LRP5: variants seen among roughly 807,000 people sequenced by gnomAD.
The protein encoded by LRP5 is LDL receptor related protein 5, also known as low-density lipoprotein receptor-related protein 5.
A neutral mutation model predicts 154.1 loss-of-function variants in LRP5; 62 were observed. That is an observed-to-expected ratio of 0.40 (90% CI 0.33 to 0.50). The LOEUF is 0.50. Ranked by LOEUF, LRP5 falls within the 20% of genes least tolerant of loss-of-function variation. The pLI, the probability that LRP5 is intolerant of heterozygous loss-of-function variation, is 0.55. For synonymous variants in LRP5, 966 were observed against 1,011.5 expected (o/e 0.96, Z 0.85); for missense variants, 1,915 against 2,336.7 (o/e 0.82, Z 3.72).
In LRP5 at chr11:68,316,110, G is replaced by A. The variant is rs190215481; in HGVS notation, c.91+3305G>A. ...CGGTGACTTCCCGTTCCCTCTCCCC[G>A]GATCCCCTGGTGAACACCAGTCGAC... is the stretch of plus-strand genomic sequence containing the variant. On this transcript the variant is annotated intron_variant, in intron 1 of 22. Coordinates refer to ENST00000294304, the MANE Select transcript of LRP5 (RefSeq NM_002335.4). Among the ~76,000 whole-genome samples, 36 of 152,032 alleles carry A rather than the reference G, an allele frequency of 2.4e-4. No homozygotes were observed. In the East Asian group the frequency reaches 3.1e-3, roughly 13 times the overall value.
At chr11:68,364,238 G>A (rs908944437) in intron 4 of LRP5, among the ~76,000 whole-genome samples, 2 of 151,924 alleles carry the variant, frequency 1.3e-5, no homozygotes, top group African/African-American at 4.8e-5. Flanking sequence ...GGATTTCCAA[G>A]GAAGGTTGCC....
At chr11:68,433,515 A>C (rs1383094439) in intron 17 of LRP5, 87 bp from the exon 18 acceptor site, 9 of 1,201,434 alleles carry the variant, frequency 7.5e-6, no homozygotes, top group South Asian at 3.6e-5. Flanking sequence ...AGTCCCTCTC[A>C]ACTTCTGCTT....
At chr11:68,365,164 G>A (rs868734394) in intron 4 of LRP5, among the ~76,000 whole-genome samples, 12 of 152,148 alleles carry the variant, frequency 7.9e-5, no homozygotes, top group African/African-American at 1.4e-4. Context: ...TCCTGACCCC[G>A]GCCATTGGAG....
chr11:68,433,215 T>C (rs537715180), intron 17 of LRP5, among the ~76,000 whole-genome samples: 1 of 152,218 alleles, frequency 6.6e-6, no homozygotes, highest in South Asian at 2.1e-4. Flanking sequence ...TGAGCAGATG[T>C]GTGTTGCCGG....
intron 1 of LRP5, among the ~76,000 whole-genome samples, chr11:68,314,716 C>G (rs2098591754): frequency 6.6e-6 from 1 of 152,246 alleles, no homozygotes; most frequent in Non-Finnish European, 1.5e-5. Flanking sequence ...CACCCCCTCT[C>G]CCCCTGGAGG....
rs371105562 is a variant in LRP5 at position 68,342,637 on chromosome 11, C to T, written c.92-5210C>T. Among the ~76,000 whole-genome samples, 20 of 152,232 alleles carry T rather than the reference C, an allele frequency of 1.3e-4. 2 individuals are homozygous for T. The highest frequency in any genetic ancestry group is 9.8e-4 in the Admixed American group (15 of 15,298). ...GGTTGCTTCTAAGTGCCTTAGAAGCCGGAGCGGCTCCTGGAAAGAGCCTGC... is the reference window on the plus strand; with the variant it reads ...GGTTGCTTCTAAGTGCCTTAGAAGCTGGAGCGGCTCCTGGAAAGAGCCTGC... On this transcript the variant is annotated intron_variant, in intron 1 of 22. Transcript: ENST00000294304.
At chr11:68,320,961 T>A (rs1190877280) in intron 1 of LRP5, among the ~76,000 whole-genome samples, 1 of 152,150 alleles carries the variant, frequency 6.6e-6, no homozygotes, top group Admixed American at 6.5e-5. Flanking sequence ...TTCCTATCCC[T>A]TGTTACTCCA....
At chr11:68,399,263 T>TAGGC (rs1183248868) in intron 7 of LRP5, among the ~76,000 whole-genome samples, 1 of 151,996 alleles carries the variant, frequency 6.6e-6, no homozygotes, top group East Asian at 1.9e-4. Flanking sequence ...CCCAGCTACT[T>TAGGC]AGGCATCTGA....
chr11:68,317,144 G>A (rs1046711339), intron 1 of LRP5, among the ~76,000 whole-genome samples: 20 of 152,192 alleles, frequency 1.3e-4, no homozygotes, highest in Non-Finnish European at 2.6e-4. Flanking sequence ...GCTACGAGCC[G>A]GCCTCAGGGA....
intron 14 of LRP5, among the ~76,000 whole-genome samples, chr11:68,424,397 C>T (rs923465659): frequency 6.6e-6 from 1 of 152,170 alleles, no homozygotes; most frequent in Non-Finnish European, 1.5e-5. Context: ...CTCTTGGAGA[C>T]TCAGTTTCCT....
At chr11:68,370,644 C>T (rs1391053544) in intron 5 of LRP5, among the ~76,000 whole-genome samples, 1 of 152,236 alleles carries the variant, frequency 6.6e-6, no homozygotes, top group Non-Finnish European at 1.5e-5. Flanking sequence ...ACTCAGCCGT[C>T]AGGGGTCACC....
the LRP5 span, among the ~76,000 whole-genome samples, chr11:68,306,198 C>T: frequency 2.0e-5 from 3 of 152,140 alleles, no homozygotes; most frequent in East Asian, 1.9e-4. Flanking sequence ...TGCAGTGGCG[C>T]GATCTTGGCT....
chr11:68,401,587 T>A (rs1418101212), intron 7 of LRP5, among the ~76,000 whole-genome samples: 1 of 152,114 alleles, frequency 6.6e-6, no homozygotes, highest in African/African-American at 2.4e-5. Flanking sequence ...CTGAGACCCA[T>A]GGGGGTGCAA....
In LRP5 at chr11:68,317,404, T is replaced by A. The variant is rs557863007; in HGVS notation, c.91+4599T>A. On this transcript the variant is annotated intron_variant, in intron 1 of 22. Coordinates refer to ENST00000294304, the MANE Select transcript of LRP5 (RefSeq NM_002335.4). ...ACTGAGAGCCAGTCCCCAGCACCCT[T>A]GTCCAGATGGGGACCAGGAGGTGGG... 2.0e-3 allele frequency among the ~76,000 whole-genome samples: 308 copies of A among 152,342 alleles called. 1 individual carries two copies. The highest frequency in any genetic ancestry group is 7.0e-3 in the African/African-American group (289 of 41,570).
intron 2 of LRP5, among the ~76,000 whole-genome samples, chr11:68,351,216 G>A (rs1430686088): frequency 2.6e-5 from 4 of 152,060 alleles, no homozygotes; most frequent in East Asian, 1.9e-4. Flanking sequence ...CCTCCCAGGG[G>A]TGCTGTGCTG....
At chr11:68,389,237 C>T (rs1182938069) in intron 6 of LRP5, among the ~76,000 whole-genome samples, 4 of 6,268 alleles carry the variant, frequency 6.4e-4, no homozygotes, top group African/African-American at 1.9e-3. Context: ...GACACCGATG[C>T]CAGCATCTAC....
chr11:68,438,428 T>C lies in LRP5; in HGVS notation c.4112-18T>C, dbSNP rs549631739. ...TTGGGGTTAATGTTGGCCACCTCTTTCTGTTTGTCTCTGGCAGAAATCACC... is the reference window on the plus strand; with the variant it reads ...TTGGGGTTAATGTTGGCCACCTCTTCCTGTTTGTCTCTGGCAGAAATCACC... On this transcript the variant is annotated intron_variant, in intron 19 of 22. Transcript: ENST00000294304. 3.7e-5 allele frequency: 59 copies of C among 1,611,598 alleles called. No individual in the cohort carries two copies. Among genetic ancestry groups the C allele is most frequent in the Admixed American group, 1.5e-4 (9 of 60,026 alleles).
chr11:68,409,219 TATATA>T (rs1390223191), intron 9 of LRP5, among the ~76,000 whole-genome samples: 6 of 61,322 alleles, frequency 9.8e-5, no homozygotes, highest in African/African-American at 2.2e-4. Context: ...AAATATATAA[TATATA>T]ATATAAAATA....
intron 12 of LRP5, 87 bp downstream of exon 12, chr11:68,414,099 G>A: frequency 4.0e-6 from 5 of 1,265,096 alleles, no homozygotes; most frequent in Non-Finnish European, 5.6e-6. Context: ...CTTCTCATCT[G>A]GGGTTCCTGG....
Sources: gnomAD v4.1 joint callset for allele counts (sites outside exome capture counted in the v4.1 genomes callset) on GRCh38, gnomAD v4.1.1 for gene constraint, MANE v1.5 for transcripts, NCBI Gene and HGNC (gene_info 2026-07-23, HGNC 2026-07-21) for gene names.